The following HRH1 variants were observed in gnomAD, a reference collection of about 807,000 sequenced individuals.
HRH1 encodes histamine H1 receptor.
A neutral mutation model predicts 10.3 loss-of-function variants in HRH1; 6 were observed. The ratio of observed to expected loss-of-function variants is 0.58; its 90% CI spans 0.32 to 1.15. HRH1 has a LOEUF of 1.15. HRH1 is among the 50% of genes most tolerant of loss of function. HRH1 has a pLI of 0.05. For missense variants in HRH1, 514 were observed against 615.3 expected, an observed-to-expected ratio of 0.84 and a Z score of 1.74; for synonymous variants, 242 against 236.7, an observed-to-expected ratio of 1.02 and a Z score of -0.21.
intron 1 of HRH1, among the ~76,000 whole-genome samples, chr3:11,161,231 G>T (rs1348545251): frequency 6.6e-6 from 1 of 152,234 alleles, no homozygotes; most frequent in Admixed American, 6.5e-5. Flanking sequence ...TTTGATGATT[G>T]TTTGTATAGG....
intron 1 of HRH1, among the ~76,000 whole-genome samples, chr3:11,194,474 A>C (rs1327660772): frequency 6.6e-6 from 1 of 152,162 alleles, no homozygotes; most frequent in African/African-American, 2.4e-5. Context: ...ATGTTACATA[A>C]ATTTCACCTT....
At chr3:11,178,546 G>A (rs1171630369) in intron 1 of HRH1, among the ~76,000 whole-genome samples, 1 of 152,158 alleles carries the variant, frequency 6.6e-6, no homozygotes, top group Non-Finnish European at 1.5e-5. Context: ...CTGTGAGGCT[G>A]GGAGCCATTT....
chr3:11,225,697 T>C (rs1257258019), intron 1 of HRH1, among the ~76,000 whole-genome samples: 1 of 152,266 alleles, frequency 6.6e-6, no homozygotes, highest in Admixed American at 6.5e-5. Context: ...TTTACTTACT[T>C]ACTTTTGAGA....
At chr3:11,146,392 A>G (rs1936445356) in intron 1 of HRH1, among the ~76,000 whole-genome samples, 2 of 152,172 alleles carry the variant, frequency 1.3e-5, no homozygotes, top group Admixed American at 6.5e-5. Context: ...GAAAAACCAG[A>G]GTCTTTTCCA....
rs568899129 is a variant in HRH1 at position 11,191,995 on chromosome 3, G to A, written c.-36+37441G>A. Among the ~76,000 whole-genome samples, 137 of 152,298 alleles carry A rather than the reference G, an allele frequency of 9.0e-4. 1 individual carries two copies. Among genetic ancestry groups the A allele is most frequent in the African/African-American group, 2.9e-3 (121 of 41,562 alleles). ...AGGCCCATGGGTTTAAAAGATTGGGGTGGACAAAGATGGACATGGTTTGAG... is the reference window on the plus strand; with the variant it reads ...AGGCCCATGGGTTTAAAAGATTGGGATGGACAAAGATGGACATGGTTTGAG... On this transcript the variant is annotated intron_variant, in intron 1 of 1. Coordinates refer to ENST00000431010, the MANE Select transcript of HRH1 (RefSeq NM_001098212.2).
intron 1 of HRH1, among the ~76,000 whole-genome samples, chr3:11,176,873 A>G (rs1214488725): frequency 1.3e-5 from 2 of 152,166 alleles, no homozygotes; most frequent in Non-Finnish European, 2.9e-5. Context: ...CAGGTGGATC[A>G]CTTGAGCTCA....
intron 1 of HRH1, among the ~76,000 whole-genome samples, chr3:11,164,405 G>A (rs1046301407): frequency 1.3e-5 from 2 of 152,152 alleles, no homozygotes; most frequent in African/African-American, 4.8e-5. Flanking sequence ...CCCCAGGCTG[G>A]TTTAGATGCT....
At chr3:11,251,128 G>A (rs1939640473) in intron 1 of HRH1, among the ~76,000 whole-genome samples, 9 of 152,110 alleles carry the variant, frequency 5.9e-5, no homozygotes, top group Admixed American at 5.9e-4. Flanking sequence ...AGCTGGAGGG[G>A]GAAGATAAGG....
chr3:11,238,939 T>C (rs1260643033), intron 1 of HRH1, among the ~76,000 whole-genome samples: 1 of 152,214 alleles, frequency 6.6e-6, no homozygotes, highest in South Asian at 2.1e-4. Context: ...TTGGTTTTTT[T>C]CCACTTTTTG....
At chr3:11,236,050 T>C (rs1939173445) in intron 1 of HRH1, among the ~76,000 whole-genome samples, 2 of 152,230 alleles carry the variant, frequency 1.3e-5, no homozygotes, top group African/African-American at 4.8e-5. Context: ...TGTCAGAGTC[T>C]TCTTGTGTTT....
chr3:11,211,318 A>G (rs1938320476), intron 1 of HRH1, among the ~76,000 whole-genome samples: 1 of 152,220 alleles, frequency 6.6e-6, no homozygotes, highest in Non-Finnish European at 1.5e-5. Context: ...CCAGCTTTGT[A>G]ATTCATGAGG....
chr3:11,153,818 C>T (rs533236885), upstream of HRH1, among the ~76,000 whole-genome samples: 41 of 152,172 alleles, frequency 2.7e-4, no homozygotes, highest in African/African-American at 9.2e-4. Flanking sequence ...TAAAACACAT[C>T]CTATTTTGAA....
At chr3:11,190,797 C>T (rs1391812937) in intron 1 of HRH1, among the ~76,000 whole-genome samples, 1 of 152,120 alleles carries the variant, frequency 6.6e-6, no homozygotes, top group Non-Finnish European at 1.5e-5. Context: ...CTGCAGTGAA[C>T]CCTGCTCACG....
chr3:11,213,713 T>C (rs904200527), intron 1 of HRH1, among the ~76,000 whole-genome samples: 2 of 152,202 alleles, frequency 1.3e-5, no homozygotes, highest in African/African-American at 4.8e-5. Flanking sequence ...GGAGCCCTCA[T>C]AGCCTAATCA....
At chr3:11,223,186 A>G (rs1938768462) in intron 1 of HRH1, among the ~76,000 whole-genome samples, 2 of 135,724 alleles carry the variant, frequency 1.5e-5, no homozygotes, top group Admixed American at 7.3e-5. Flanking sequence ...TTCGTCTCAA[A>G]AAAAAAAAAA....
rs1939864829 is a variant in HRH1, at chr3:11,259,145, T to C, written c.108T>C (p.Thr36=). Residue 36 remains threonine, a synonymous_variant, in exon 2 of 2, where the codon ACT becomes ACC. Coordinates refer to ENST00000431010, the MANE Select transcript of HRH1 (RefSeq NM_001098212.2). This position sits in a 1 kb window ranked among gnomAD's most constrained non-coding sequence, Gnocchi z 4.6. ...QLMPLVVVLS[T]ICLVTVGLNL... ...TGCCCCTGGTGGTGGTCCTGAGCAC[T>C]ATCTGCTTGGTCACAGTAGGGCTCA... 1 of 1,613,884 alleles carries C rather than the reference T, an allele frequency of 6.2e-7. No homozygotes were observed. Among genetic ancestry groups the C allele is most frequent in the Non-Finnish European group, 8.5e-7 (1 of 1,180,034 alleles).
At chr3:11,181,511 C>G (rs1415912761) in intron 1 of HRH1, among the ~76,000 whole-genome samples, 6 of 151,618 alleles carry the variant, frequency 4.0e-5, no homozygotes, top group African/African-American at 1.2e-4. Context: ...GTAGGAAGTA[C>G]TATCTCATTG....
intron 1 of HRH1, among the ~76,000 whole-genome samples, chr3:11,206,842 G>A (rs567847052): frequency 1.3e-5 from 2 of 152,314 alleles, no homozygotes; most frequent in African/African-American, 4.8e-5. Flanking sequence ...ACCCTCGAAG[G>A]GCACAAGGAC....
At chr3:11,146,734 C>T (rs1574970421) in intron 1 of HRH1, among the ~76,000 whole-genome samples, 1 of 152,162 alleles carries the variant, frequency 6.6e-6, no homozygotes, top group African/African-American at 2.4e-5. Context: ...GGCGGACACT[C>T]TAGAGGAGAA....
Sources: allele counts gnomAD v4.1 joint callset (sites outside exome capture counted in the v4.1 genomes callset), GRCh38; gene constraint gnomAD v4.1.1; non-coding constraint Gnocchi (gnomAD v3.1); transcripts MANE v1.5; gene names NCBI Gene and HGNC (gene_info 2026-07-23, HGNC 2026-07-21).